LPA: variants seen among roughly 807,000 people sequenced by gnomAD.
The protein encoded by LPA is lipoprotein(a).
Under a neutral mutation model 197.9 loss-of-function variants are expected in LPA, and 199 were observed. The ratio of observed to expected loss-of-function variants is 1.01; its 90% CI spans 0.90 to 1.13. LPA has a LOEUF of 1.13. Among genes scored for constraint, LPA ranks in the 50% most tolerant of loss-of-function variants. LPA has a pLI of 0.00. For synonymous variants in LPA, 715 were observed against 639.5 expected, an observed-to-expected ratio of 1.12 and a Z score of -1.78; for missense variants, 1,853 against 1,785.8, an observed-to-expected ratio of 1.04 and a Z score of -0.68.
intron 20 of LPA, among the ~76,000 whole-genome samples, chr6:160,599,185 T>C (rs1476093340): frequency 2.6e-5 from 4 of 151,992 alleles, no homozygotes; most frequent in Non-Finnish European, 4.4e-5. Context: ...CTACTAAAAA[T>C]ACAAAAAATT....
chr6:160,590,962 T>C lies in LPA; in HGVS notation c.3769A>G (p.Thr1257Ala), dbSNP rs1239848538. ...VTESSVLATS[T>A]AVSEQAPTEQ... ...TTCTTACCTTGTTCAGAAACAGCCG[T>C]GGACGTCGCAAGGACACTTGATTCT... Residue 1257 changes from threonine (T) to alanine (A), a missense_variant, in exon 23 of 39, where the codon ACG (threonine) becomes GCG (alanine). This residue lies in a region of LPA where 1,737 missense variants were observed against 1,504.4 expected (regional missense o/e 1.15). Coordinates refer to ENST00000316300, the MANE Select transcript of LPA (RefSeq NM_005577.4). 1.2e-6 allele frequency: 2 copies of C among 1,613,990 alleles called. No individual in the cohort carries two copies. Among genetic ancestry groups the C allele is most frequent in the South Asian group, 2.2e-5 (2 of 91,084 alleles).
rs1469717382 is a variant in LPA, at chr6:160,611,788, T to C, written c.2444-67A>G. The C allele has an allele frequency of 1.7e-5, 21 of 1,201,068 alleles. No homozygotes were observed. The East Asian group carries it at 3.1e-4, about 18-fold the overall frequency. 74.4% of individuals were successfully genotyped at this position (1,201,068 alleles called of 1,614,324 possible). On this transcript the variant is annotated intron_variant, in intron 15 of 38. Coordinates refer to ENST00000316300, the MANE Select transcript of LPA (RefSeq NM_005577.4). Reference sequence around the variant, plus strand: ...ATAACGAAATATGTGAAGCCATTTATGACACAACCAGAAAGGAGTCTATGA... The same window carrying C: ...ATAACGAAATATGTGAAGCCATTTACGACACAACCAGAAAGGAGTCTATGA...
chr6:160,605,032 G>T lies in LPA; in HGVS notation c.2945+14C>A. On this transcript the variant is annotated intron_variant, in intron 18 of 38. Transcript: ENST00000316300. ...TGACCCTTCCTTCACTTATGGTAAA[G>T]AAAATAGACATACGCATTTGGGTAG... The T allele has an allele frequency of 6.2e-7, 1 of 1,613,274 alleles. No homozygotes were observed. The highest frequency in any genetic ancestry group is 8.5e-7 in the Non-Finnish European group (1 of 1,179,686).
chr6:160,565,873 G>A (rs943796189), intron 28 of LPA, among the ~76,000 whole-genome samples: 13 of 152,246 alleles, frequency 8.5e-5, no homozygotes, highest in Admixed American at 2.0e-4. Flanking sequence ...CGAGAACTAC[G>A]TGACACATGA....
Position 160,595,502 on chromosome 6 carries a change from A to T in LPA, c.3321T>A (p.Asp1107Glu), listed in dbSNP as rs372912078. The T allele has an allele frequency of 6.2e-7, 1 of 1,614,028 alleles. No individual in the cohort carries two copies. The highest frequency in any genetic ancestry group is 1.3e-5 in the African/African-American group (1 of 75,032). ...TGTAACACCAAGGGCGAATCTCAGC[A>T]TCTGGATTCCTGCAGTAGTTCCTGG... is the stretch of plus-strand genomic sequence containing the variant. ...GLTRNYCRNP[D>E]AEIRPWCYTM... Residue 1107 changes from aspartate to glutamate, a missense_variant, in exon 21 of 39, where the codon GAT (aspartate) becomes GAA (glutamate). Around this residue, in one of 3 missense-constraint regions of LPA, gnomAD observed 1,737 missense variants for 1,504.4 expected, o/e 1.15. Transcript: ENST00000316300.
chr6:160,547,035 C>T (rs1778082869), intron 32 of LPA, among the ~76,000 whole-genome samples: 3 of 152,112 alleles, frequency 2.0e-5, no homozygotes, highest in African/African-American at 7.2e-5. Flanking sequence ...AGACCAGTTT[C>T]ATAAAAGGCA....
At chr6:160,657,578 T>C (rs955218867) in intron 1 of LPA, among the ~76,000 whole-genome samples, 3 of 152,110 alleles carry the variant, frequency 2.0e-5, no homozygotes, top group Admixed American at 2.0e-4. Context: ...TTTGTATTTT[T>C]AGCAGAGATG....
chr6:160,580,295 A>G (rs1192307474), intron 26 of LPA, among the ~76,000 whole-genome samples: 1 of 152,228 alleles, frequency 6.6e-6, no homozygotes, highest in East Asian at 1.9e-4. Context: ...CCATTTAAAT[A>G]GTTTTCATTT....
intron 28 of LPA, among the ~76,000 whole-genome samples, chr6:160,576,348 A>ATACACATATATATATATATG (rs1778662445): frequency 5.2e-5 from 1 of 19,228 alleles, no homozygotes; most frequent in African/African-American, 2.6e-4. Context: ...GTGTATATAT[A>ATACACATATATATATATATG]TATATATATA....
chr6:160,567,878 T>C (rs551720204), intron 28 of LPA, among the ~76,000 whole-genome samples: 7 of 152,206 alleles, frequency 4.6e-5, no homozygotes, highest in African/African-American at 1.7e-4. Context: ...TCTGTGCAAA[T>C]AAACTAGAAA....
chr6:160,549,431 G>A (rs773707292), intron 30 of LPA, among the ~76,000 whole-genome samples: 3 of 152,118 alleles, frequency 2.0e-5, no homozygotes, highest in South Asian at 2.1e-4. Flanking sequence ...ATACAAATGC[G>A]TCTATACCTG....
intron 33 of LPA, among the ~76,000 whole-genome samples, 185 bp from the exon 34 acceptor site, chr6:160,542,993 ACT>A (rs1207601439): frequency 6.6e-6 from 1 of 152,176 alleles, no homozygotes; most frequent in Non-Finnish European, 1.5e-5. Flanking sequence ...AACAAAGGAC[ACT>A]CTCCTTTCAA....
At position 160,577,160 on chromosome 6, in the gene LPA, C is replaced by T. The variant is rs201013584; in HGVS notation, c.4607G>A (p.Arg1536Lys). 8.6e-5 allele frequency: 138 copies of T among 1,613,758 alleles called. No individual in the cohort carries two copies. Among genetic ancestry groups the T allele is most frequent in the Middle Eastern group, 3.3e-4 (2 of 6,036 alleles). Reference protein sequence around the residue: ...WSSMIPHWHQRTPENYPNAGL... With the variant: ...WSSMIPHWHQKTPENYPNAGL... ...CGCATTTGGGTAGTTTTCTGGGGTC[C>T]TCTGATGCCAGTGTGGTATCATAGA... Residue 1536 changes from arginine (R) to lysine (K), a missense_variant, in exon 28 of 39, where the codon AGG becomes AAG. Physicochemically the swap from Arg to Lys is conservative, Grantham distance 26. Transcript: ENST00000316300.
chr6:160,564,190 C>T (rs183470836), intron 28 of LPA, among the ~76,000 whole-genome samples: 1 of 152,290 alleles, frequency 6.6e-6, no homozygotes, highest in Admixed American at 6.5e-5. Context: ...TATGTTTTTG[C>T]AGTAGCTGTT....
At chr6:160,557,332 T>C in intron 29 of LPA, 58 bp downstream of exon 29, 1 of 1,589,090 alleles carries the variant, frequency 6.3e-7, no homozygotes, top group South Asian at 1.1e-5. Context: ...AGTCAGATTT[T>C]CCATCTCTTT....
At position 160,532,609 on chromosome 6, in the gene LPA, A is replaced by G. The variant is rs146577190; in HGVS notation, c.5883T>C (p.Leu1961=). The change falls in exon 38 of 39, where the codon CTT becomes CTC. Residue 1961 remains leucine (L), a synonymous_variant. Transcript: ENST00000316300. ...GATTGCACACTTCATTCTCAATAAC[A>G]AGGAGCTGGGCTTCCTTGAGAAGGC... is the stretch of plus-strand genomic sequence containing the variant. ...GTGLLKEAQL[L]VIENEVCNHY... The G allele has an allele frequency of 4.5e-4, 718 of 1,613,382 alleles. 1 individual carries two copies. The African/African-American group carries it at 8.2e-3, about 18-fold the overall frequency.
intron 37 of LPA, among the ~76,000 whole-genome samples, chr6:160,535,884 T>C (rs1562313345): frequency 6.6e-6 from 1 of 152,172 alleles, no homozygotes; most frequent in East Asian, 1.9e-4. Context: ...GCTTCATGCT[T>C]TCATCAGTTG....
chr6:160,577,117 GT>G lies in LPA; in HGVS notation c.4631+18del. On this transcript the variant is annotated intron_variant, in intron 28 of 38. Transcript: ENST00000316300. Reference sequence around the variant, plus strand: ...TGAGTTGGCTGTTGCTCCTCTTATGGTTTTAATCAAATACATACGCATTTGG... The same window carrying G: ...TGAGTTGGCTGTTGCTCCTCTTATGGTTTAATCAAATACATACGCATTTGG... The G allele has an allele frequency of 6.2e-7, 1 of 1,612,412 alleles. No individual in the cohort carries two copies. Among genetic ancestry groups the G allele is most frequent in the Non-Finnish European group, 8.5e-7 (1 of 1,179,384 alleles).
chr6:160,582,908 T>G (rs1778827770), intron 26 of LPA, among the ~76,000 whole-genome samples: 3 of 152,156 alleles, frequency 2.0e-5, no homozygotes, highest in South Asian at 4.1e-4. Flanking sequence ...CGTGCTATGG[T>G]TTGCACCACC....
Sources: allele counts gnomAD v4.1 joint callset (sites outside exome capture counted in the v4.1 genomes callset), GRCh38; gene constraint gnomAD v4.1.1; regional missense constraint gnomAD v4.1.1; transcripts MANE v1.5; gene names NCBI Gene and HGNC (gene_info 2026-07-23, HGNC 2026-07-21).